SMG6: variants seen among roughly 807,000 people sequenced by gnomAD.
SMG6 encodes SMG6 nonsense mediated mRNA decay factor.
A neutral mutation model predicts 142.2 loss-of-function variants in SMG6; 66 were observed. The ratio of observed to expected loss-of-function variants is 0.46; its 90% CI spans 0.38 to 0.57. SMG6 has a LOEUF of 0.57. Among genes scored for constraint, SMG6 ranks in the 20% least tolerant of loss-of-function variants. SMG6 has a pLI of 0.00. For synonymous variants in SMG6, 779 were observed against 702.4 expected (o/e 1.11, Z -1.72); for missense variants, 1,793 against 1,832.0 (o/e 0.98, Z 0.39).
chr17:2,088,734 G>C, intron 13 of SMG6: 2 of 985,434 alleles, frequency 2.0e-6, no homozygotes, highest in Non-Finnish European at 2.4e-6. Flanking sequence ...CTCTTTAGTA[G>C]ATGGAGAAAC....
chr17:2,106,216 TTTC>T (rs1171868714), intron 13 of SMG6, among the ~76,000 whole-genome samples: 4 of 152,160 alleles, frequency 2.6e-5, no homozygotes, highest in African/African-American at 9.7e-5. Flanking sequence ...CCCCATCACT[TTTC>T]TTCTTGTCTC....
chr17:2,236,353 T>G, intron 10 of SMG6, 139 bp downstream of exon 10: 1 of 689,612 alleles, frequency 1.5e-6, no homozygotes, highest in Non-Finnish European at 2.3e-6. Flanking sequence ...GAGACAATGG[T>G]AGGAAGCGTA....
intron 9 of SMG6, chr17:2,236,925 C>A: frequency 2.3e-6 from 2 of 863,326 alleles, no homozygotes; most frequent in Non-Finnish European, 2.9e-6. Flanking sequence ...TTTCCTCACC[C>A]CTGGCAATAA....
chr17:2,061,086 G>A lies in SMG6; in HGVS notation c.*406C>T. The stretch of plus-strand genomic sequence containing the variant: ...GATGAAAGGGAACTGTGATTTCACT[G>A]CATCTGACGGAAACTCAGAACCCCT... On this transcript the variant is annotated 3_prime_UTR_variant, in exon 19 of 19. Coordinates refer to ENST00000263073, the MANE Select transcript of SMG6 (RefSeq NM_017575.5). 5.8e-6 allele frequency: 1 copy of A among 172,902 alleles called. No individual in the cohort carries two copies. Among genetic ancestry groups the A allele is most frequent in the Admixed American group, 5.7e-5 (1 of 17,646 alleles). The allele number at this position is 172,902 out of a possible 1,614,324, so 10.7% of individuals were successfully genotyped here. A position where few individuals can be genotyped will look rare whatever the true frequency, so the allele number is the denominator to read the frequency against.
chr17:2,134,820 T>C (rs2070240325), intron 13 of SMG6, among the ~76,000 whole-genome samples: 1 of 152,190 alleles, frequency 6.6e-6, no homozygotes, highest in Non-Finnish European at 1.5e-5. Flanking sequence ...CAAATCCTAG[T>C]ATCTCCCTCT....
At chr17:2,293,286 T>C (rs1370281886) in intron 4 of SMG6, among the ~76,000 whole-genome samples, 44 of 152,218 alleles carry the variant, frequency 2.9e-4, no homozygotes, top group Non-Finnish European at 1.5e-5. Context: ...TCAGGAGATC[T>C]GACTCTACGG....
intron 13 of SMG6, among the ~76,000 whole-genome samples, chr17:2,163,907 A>C (rs1451865376): frequency 1.3e-5 from 2 of 152,012 alleles, no homozygotes; most frequent in African/African-American, 4.8e-5. Context: ...CACTAAAAAT[A>C]CAAAAATTAG....
chr17:2,171,302 A>T (rs1303019508), intron 13 of SMG6, among the ~76,000 whole-genome samples: 3 of 151,646 alleles, frequency 2.0e-5, no homozygotes, highest in African/African-American at 7.3e-5. Flanking sequence ...TAAAATAAAA[A>T]CAAATAGTAT....
intron 13 of SMG6, among the ~76,000 whole-genome samples, chr17:2,095,467 C>T (rs886899290): frequency 6.6e-6 from 1 of 152,188 alleles, no homozygotes; most frequent in Non-Finnish European, 1.5e-5. Context: ...AGGCAACATG[C>T]AGTTCAGCAA....
chr17:2,272,754 C>T (rs147580615), intron 8 of SMG6, among the ~76,000 whole-genome samples: 34 of 152,124 alleles, frequency 2.2e-4, no homozygotes, highest in African/African-American at 8.0e-4. Flanking sequence ...TTGGCTAACA[C>T]GGTGAAACCC....
intron 8 of SMG6, among the ~76,000 whole-genome samples, chr17:2,260,910 C>T (rs914044469): frequency 6.6e-6 from 1 of 151,954 alleles, no homozygotes; most frequent in African/African-American, 2.4e-5. Flanking sequence ...GCAGAAGAAT[C>T]ACTTGAACCC....
intron 13 of SMG6, among the ~76,000 whole-genome samples, chr17:2,098,100 C>A (rs547234211): frequency 6.6e-6 from 1 of 152,210 alleles, no homozygotes; most frequent in East Asian, 1.9e-4. Flanking sequence ...GTGATCCTTC[C>A]GCCTCAACTT....
intron 13 of SMG6, 140 bp from the exon 14 acceptor site, chr17:2,086,041 C>G: frequency 1.2e-6 from 1 of 845,948 alleles, no homozygotes; most frequent in Non-Finnish European, 1.9e-6. Flanking sequence ...TGACGGGGTG[C>G]GGAGGGCACA....
chr17:2,067,493 CAT>C (rs1567568984), intron 16 of SMG6, among the ~76,000 whole-genome samples: 1 of 152,182 alleles, frequency 6.6e-6, no homozygotes. Context: ...AGCAGAGAGA[CAT>C]ATGACCCGGC....
At chr17:2,273,718 G>A (rs1364223080) in intron 8 of SMG6, among the ~76,000 whole-genome samples, 2 of 151,926 alleles carry the variant, frequency 1.3e-5, no homozygotes, top group Non-Finnish European at 2.9e-5. Context: ...AATCGCTTGA[G>A]CCTGGGAGGC....
chr17:2,190,489 A>G (rs909331825), intron 10 of SMG6, among the ~76,000 whole-genome samples: 1 of 152,192 alleles, frequency 6.6e-6, no homozygotes, highest in Non-Finnish European at 1.5e-5. Context: ...CACCAAGCCC[A>G]GTTCTGTATT....
chr17:2,154,982 C>T (rs1420676504), intron 13 of SMG6, among the ~76,000 whole-genome samples: 1 of 152,006 alleles, frequency 6.6e-6, no homozygotes, highest in Non-Finnish European at 1.5e-5. Flanking sequence ...CCACAGTGAG[C>T]CACTGCATTC....
chr17:2,123,636 C>A (rs1225465487), intron 13 of SMG6, among the ~76,000 whole-genome samples: 1 of 152,170 alleles, frequency 6.6e-6, no homozygotes, highest in Non-Finnish European at 1.5e-5. Flanking sequence ...AAGTCGAGCT[C>A]TCATTCATAA....
chr17:2,081,335 T>C (rs2068418508), intron 15 of SMG6, among the ~76,000 whole-genome samples: 1 of 152,164 alleles, frequency 6.6e-6, no homozygotes, highest in African/African-American at 2.4e-5. Flanking sequence ...AGTTTGTCTC[T>C]GCAAGGGTGT....
Sources: allele counts gnomAD v4.1 joint callset (sites outside exome capture counted in the v4.1 genomes callset), GRCh38; gene constraint gnomAD v4.1.1; transcripts MANE v1.5; gene names NCBI Gene and HGNC (gene_info 2026-07-23, HGNC 2026-07-21).